The following BTBD2 variants were observed in gnomAD, a reference collection of about 807,000 sequenced individuals.
The protein encoded by BTBD2 is BTB domain containing 2.
In BTBD2, 15 loss-of-function variants were observed where a neutral mutation model predicts 44.0. The observed-to-expected ratio is 0.34, with a 90% CI of 0.23 to 0.53. The LOEUF (loss-of-function observed/expected upper bound fraction) is 0.53, where lower values mean the gene tolerates loss of function less well. Ranked by LOEUF, BTBD2 falls within the 20% of genes least tolerant of loss-of-function variation. BTBD2 has a pLI of 0.95. For synonymous variants in BTBD2, 443 were observed against 335.9 expected, an observed-to-expected ratio of 1.32 and a Z score of -3.49; for missense variants, 657 against 746.4, an observed-to-expected ratio of 0.88 and a Z score of 1.39.
chr19:1,992,897 G>A (rs2016199079), intron 3 of BTBD2, 123 bp downstream of exon 3: 2 of 976,132 alleles, frequency 2.0e-6, no homozygotes, highest in Non-Finnish European at 2.7e-6. Flanking sequence ...TACCAGGCAG[G>A]AGCCTGCTGC....
intron 1 of BTBD2, among the ~76,000 whole-genome samples, chr19:2,007,087 A>T (rs547377884): frequency 1.3e-5 from 2 of 151,710 alleles, no homozygotes; most frequent in South Asian, 4.2e-4. Context: ...TGAACTCCTG[A>T]CCTCATGATC....
intron 1 of BTBD2, among the ~76,000 whole-genome samples, chr19:2,012,445 C>T (rs756837837): frequency 7.9e-5 from 12 of 152,234 alleles, no homozygotes; most frequent in African/African-American, 2.2e-4. Flanking sequence ...CCCCCGCACC[C>T]GGCCCCTTAG....
chr19:2,009,945 G>A (rs1279367660), intron 1 of BTBD2, among the ~76,000 whole-genome samples: 2 of 152,120 alleles, frequency 1.3e-5, no homozygotes, highest in Admixed American at 6.6e-5. Context: ...CCTGAGGTCG[G>A]GAGTTTGAGA....
rs140644094 is a variant in BTBD2 at position 2,010,897 on chromosome 19, C to T, written c.407+4400G>A. ...CAGATGTCTGCCCATCTCGGCCTCC[C>T]GAAGTGCTGGGATGATAGGCGTGAG... On this transcript the variant is annotated intron_variant, in intron 1 of 8. Coordinates refer to ENST00000255608, the MANE Select transcript of BTBD2 (RefSeq NM_017797.4). Among the ~76,000 whole-genome samples, 232 of 152,278 alleles carry T rather than the reference C, an allele frequency of 1.5e-3. 1 individual carries two copies. Among genetic ancestry groups the T allele is most frequent in the African/African-American group, 5.3e-3 (221 of 41,562 alleles).
intron 1 of BTBD2, chr19:2,003,627 G>A (rs2016356834): frequency 6.6e-6 from 1 of 151,978 alleles, no homozygotes; most frequent in Non-Finnish European, 1.5e-5. Context: ...AATTAGCCGG[G>A]TGTGGTGATG....
Position 2,015,541 on chromosome 19 carries a change from GGGCGGCGGCGGCGGCGGC to G in BTBD2, c.145_162del (p.Ala49_Ala54del), listed in dbSNP as rs533915623. 1.7e-3 allele frequency: 1,573 copies of G among 911,222 alleles called. 4 individuals carry two copies. Among genetic ancestry groups the G allele is most frequent in the Middle Eastern group, 0.012 (20 of 1,720 alleles). 56.4% of individuals were successfully genotyped at this position (911,222 alleles called of 1,614,324 possible). ...GGCGGGGCGGGCGGCGTCGGCCCAG[GGGCGGCGGCGGCGGCGGC>G]GGCGGCGGCGGCGGCGGCGGCCGCG... On this transcript the variant is annotated inframe_deletion, in exon 1 of 9. Transcript: ENST00000255608.
chr19:1,989,633 G>A (rs996107341), intron 5 of BTBD2: 24 of 303,510 alleles, frequency 7.9e-5, no homozygotes, highest in Non-Finnish European at 1.1e-4. Context: ...AGGCCCACTC[G>A]GGCGCATGAC....
rs1025282095 is a variant in BTBD2 at position 1,985,764 on chromosome 19, A to T, written c.*724T>A. 6.6e-6 allele frequency: 1 copy of T among 152,398 alleles called. No individual in the cohort carries two copies. The highest frequency in any genetic ancestry group is 1.5e-5 in the Non-Finnish European group (1 of 68,214). The allele number at this position is 152,398 out of a possible 1,614,324, so 9.4% of individuals were successfully genotyped here. On this transcript the variant is annotated 3_prime_UTR_variant, in exon 9 of 9. Coordinates refer to ENST00000255608, the MANE Select transcript of BTBD2 (RefSeq NM_017797.4). Reference sequence around the variant, plus strand: ...GGGTCTGAGTCCCATCTTGGGCTGCAGGGACCGCGAGGGCCGTCCAGGGAG... The same window carrying T: ...GGGTCTGAGTCCCATCTTGGGCTGCTGGGACCGCGAGGGCCGTCCAGGGAG...
chr19:2,014,762 A>AGG (rs1460000965), intron 1 of BTBD2: 12 of 154,580 alleles, frequency 7.8e-5, no homozygotes, highest in African/African-American at 3.1e-4. Flanking sequence ...AACGGAGGGT[A>AGG]CCGGAGTGCA....
At chr19:2,000,676 A>C (rs2016318007) in intron 1 of BTBD2, among the ~76,000 whole-genome samples, 1 of 151,828 alleles carries the variant, frequency 6.6e-6, no homozygotes, top group Non-Finnish European at 1.5e-5. Context: ...TCCCCCCTTC[A>C]TGTATCTGTA....
intron 2 of BTBD2, among the ~76,000 whole-genome samples, chr19:1,995,912 C>T (rs2016245701): frequency 6.6e-6 from 1 of 152,174 alleles, no homozygotes; most frequent in Admixed American, 6.6e-5. Flanking sequence ...ATCTCAGCCT[C>T]CCAAAGTACT....
chr19:2,001,535 G>C (rs545547472), intron 1 of BTBD2, among the ~76,000 whole-genome samples: 1 of 152,314 alleles, frequency 6.6e-6, no homozygotes, highest in African/African-American at 2.4e-5. Context: ...GAATTGTGTG[G>C]TGCACAAAGG....
rs1175147061 is a variant in BTBD2 at position 2,002,381 on chromosome 19, C to T, written c.408-4918G>A. 5.3e-5 allele frequency among the ~76,000 whole-genome samples: 8 copies of T among 152,318 alleles called. No homozygotes were observed. The South Asian group carries it at 1.2e-3, about 24-fold the overall frequency. ...CAGGCAAACTGATAACTGTATTTCT[C>T]GAAGTTCTGTAAGCTGTTATGGCTA... On this transcript the variant is annotated intron_variant, in intron 1 of 8. Coordinates refer to ENST00000255608, the MANE Select transcript of BTBD2 (RefSeq NM_017797.4).
At chr19:2,009,692 A>C (rs2016439115) in intron 1 of BTBD2, among the ~76,000 whole-genome samples, 1 of 151,396 alleles carries the variant, frequency 6.6e-6, no homozygotes. Context: ...TCTACTAAAA[A>C]TACAAAAATT....
At chr19:1,987,795 T>G in intron 5 of BTBD2, 103 bp from the exon 6 acceptor site, 3 of 1,238,174 alleles carry the variant, frequency 2.4e-6, no homozygotes, top group Non-Finnish European at 3.3e-6. Context: ...CGTCGGACTT[T>G]CAAGGTGCAG....
At chr19:2,015,204 C>CTCGGGGATGGAGGGGTGCGGGGGTG in intron 1 of BTBD2, 93 bp downstream of exon 1, 1 of 1,374,456 alleles carries the variant, frequency 7.3e-7, no homozygotes, top group Non-Finnish European at 9.4e-7. Flanking sequence ...GTGCGGGGGT[C>CTCGGGGATGGAGGGGTGCGGGGGTG]TCGGGGACAG....
chr19:2,000,962 G>A (rs1377537294), intron 1 of BTBD2, among the ~76,000 whole-genome samples: 5 of 152,170 alleles, frequency 3.3e-5, no homozygotes, highest in African/African-American at 4.8e-5. Flanking sequence ...ACTCCTAGGA[G>A]GTCCCCAGAG....
chr19:2,004,637 G>T (rs1415714852), intron 1 of BTBD2, among the ~76,000 whole-genome samples: 2 of 150,354 alleles, frequency 1.3e-5, no homozygotes, highest in Non-Finnish European at 1.5e-5. Flanking sequence ...ACCTGTCTCA[G>T]ATATTCAGGG....
At chr19:2,011,158 C>T (rs1373509701) in intron 1 of BTBD2, among the ~76,000 whole-genome samples, 2 of 152,118 alleles carry the variant, frequency 1.3e-5, no homozygotes, top group African/African-American at 2.4e-5. Context: ...TGAGCCTGTC[C>T]TGGCTTGTGA....
Sources: gnomAD v4.1 joint callset for allele counts (sites outside exome capture counted in the v4.1 genomes callset) on GRCh38, gnomAD v4.1.1 for gene constraint, MANE v1.5 for transcripts, NCBI Gene and HGNC (gene_info 2026-07-23, HGNC 2026-07-21) for gene names.